The following ANO4 variants were observed in gnomAD, a reference collection of about 807,000 sequenced individuals.
ANO4 encodes the protein anoctamin 4, also known as anoctamin-4.
ANO4 carries 69 observed loss-of-function variants against 141.9 expected under a neutral mutation model. That is an observed-to-expected ratio of 0.49 (90% CI 0.40 to 0.59). The LOEUF (loss-of-function observed/expected upper bound fraction) is 0.59. Ranked by LOEUF, ANO4 falls within the 20% of genes least tolerant of loss-of-function variation. ANO4 has a pLI of 0.00. For synonymous variants in ANO4, 350 were observed against 394.3 expected, an observed-to-expected ratio of 0.89 and a Z score of 1.33; for missense variants, 894 against 1,162.2, an observed-to-expected ratio of 0.77 and a Z score of 3.36.
chr12:101,083,611 T>A, intron 15 of ANO4, 67 bp from the exon 16 acceptor site: 1 of 1,531,990 alleles, frequency 6.5e-7, no homozygotes, highest in Non-Finnish European at 8.7e-7. Flanking sequence ...TGGGGTAAAA[T>A]GATATTTCTT....
At chr12:101,050,663 A>C (rs2047825545) in intron 14 of ANO4, among the ~76,000 whole-genome samples, 1 of 152,192 alleles carries the variant, frequency 6.6e-6, no homozygotes, top group Non-Finnish European at 1.5e-5. Flanking sequence ...TGTAAACGTA[A>C]ATACTAAATG....
In ANO4 at chr12:101,107,393, C is replaced by T. The variant is rs76797966; in HGVS notation, c.2150-3011C>T. Among the ~76,000 whole-genome samples, 1,228 of 152,142 alleles carry T rather than the reference C, an allele frequency of 8.1e-3. 57 individuals carry two copies. The highest frequency in any genetic ancestry group is 0.068 in the Admixed American group (1,043 of 15,274). ...GCAAAAGGGGAAAAAGGCAAAACGC[C>T]GTAAAATCAAGACAAAGTAAGTTTT... is the stretch of plus-strand genomic sequence containing the variant. On this transcript the variant is annotated intron_variant, in intron 22 of 27. Transcript: ENST00000392977.
At chr12:100,941,925 C>A (rs1339807982) in intron 4 of ANO4, among the ~76,000 whole-genome samples, 5 of 150,112 alleles carry the variant, frequency 3.3e-5, no homozygotes, top group African/African-American at 7.3e-5. Flanking sequence ...ACATTTTTCA[C>A]TAATGAATAT....
chr12:101,117,713 A>G (rs1264885202), intron 25 of ANO4, among the ~76,000 whole-genome samples: 1 of 152,148 alleles, frequency 6.6e-6, no homozygotes, highest in Non-Finnish European at 1.5e-5. Context: ...CAAAAACAAA[A>G]CAAAGAATTT....
At chr12:100,747,099 T>G (rs927410657) in intron 3 of ANO4, among the ~76,000 whole-genome samples, 1 of 152,202 alleles carries the variant, frequency 6.6e-6, no homozygotes, top group Admixed American at 6.5e-5. Context: ...AAAAAAGTTT[T>G]CAGACATTGC....
chr12:100,900,942 C>T (rs1366088775), intron 1 of ANO4, among the ~76,000 whole-genome samples: 1 of 152,182 alleles, frequency 6.6e-6, no homozygotes, highest in African/African-American at 2.4e-5. Context: ...ACATTGAACT[C>T]AGCCTTTCTT....
At chr12:100,904,255 C>T (rs1421903195) in intron 2 of ANO4, among the ~76,000 whole-genome samples, 1 of 152,024 alleles carries the variant, frequency 6.6e-6, no homozygotes, top group African/African-American at 2.4e-5. Flanking sequence ...GACAAAAGTC[C>T]CTGCCCTTGG....
chr12:100,734,251 C>T (rs1391923099), intron 2 of ANO4, among the ~76,000 whole-genome samples: 1 of 152,220 alleles, frequency 6.6e-6, no homozygotes, highest in East Asian at 1.9e-4. Flanking sequence ...TAAAAGTCTA[C>T]TCTTTGCTGT....
At chr12:100,812,967 A>G (rs1266484696) in intron 1 of ANO4, among the ~76,000 whole-genome samples, 1 of 152,208 alleles carries the variant, frequency 6.6e-6, no homozygotes, top group Non-Finnish European at 1.5e-5. Flanking sequence ...CTTGTCTTTA[A>G]GCAATCTTTC....
intron 1 of ANO4, among the ~76,000 whole-genome samples, chr12:100,724,036 C>A (rs80070197): frequency 1.3e-5 from 2 of 149,792 alleles, no homozygotes; most frequent in African/African-American, 2.5e-5. Flanking sequence ...AACAAAAAAA[C>A]AAAAAAACCT....
intron 3 of ANO4, among the ~76,000 whole-genome samples, chr12:100,740,326 C>T (rs1385925241): frequency 1.3e-5 from 2 of 152,092 alleles, no homozygotes; most frequent in Non-Finnish European, 2.9e-5. Flanking sequence ...ATCCCTCCCA[C>T]CTCAGCCTCC....
intron 8 of ANO4, among the ~76,000 whole-genome samples, chr12:100,990,574 G>T (rs2045048126): frequency 6.6e-6 from 1 of 152,162 alleles, no homozygotes; most frequent in Non-Finnish European, 1.5e-5. Context: ...CTAATTTAGT[G>T]TTCACTTCTT....
intron 23 of ANO4, among the ~76,000 whole-genome samples, chr12:101,110,960 T>C (rs1389979335): frequency 1.3e-5 from 2 of 152,254 alleles, no homozygotes; most frequent in Non-Finnish European, 2.9e-5. Flanking sequence ...AGATGAACTT[T>C]GGTCTTTGAC....
chr12:100,940,339 A>G (rs2042461265), intron 4 of ANO4, among the ~76,000 whole-genome samples: 1 of 152,184 alleles, frequency 6.6e-6, no homozygotes, highest in South Asian at 2.1e-4. Context: ...TCATCCCTGT[A>G]ACTTACAGAT....
intron 1 of ANO4, among the ~76,000 whole-genome samples, chr12:100,729,196 T>G (rs2031267965): frequency 6.6e-6 from 1 of 151,922 alleles, no homozygotes; most frequent in African/African-American, 2.4e-5. Flanking sequence ...TCATAATATT[T>G]TGTGTAGCTT....
intron 2 of ANO4, among the ~76,000 whole-genome samples, chr12:100,738,200 C>T (rs946789773): frequency 3.3e-5 from 5 of 152,120 alleles, no homozygotes; most frequent in Non-Finnish European, 7.4e-5. Context: ...TGCCTCCCTC[C>T]CCAAGAGGGG....
chr12:101,110,306 A>G lies in ANO4; in HGVS notation c.2150-98A>G, dbSNP rs576184710. On this transcript the variant is annotated intron_variant, in intron 22 of 27. Transcript: ENST00000392977. ...CCCCTGTGCGTCTGTATTGGGAAAA[A>G]TGGGACTTAAGACAATAACATATTC... 51 of 1,281,358 alleles carry G rather than the reference A, an allele frequency of 4.0e-5. 1 individual carries two copies. In the South Asian group the frequency reaches 5.9e-4, roughly 15 times the overall value. The allele number at this position is 1,281,358 out of a possible 1,614,324, so 79.4% of individuals were successfully genotyped here. A position where few individuals can be genotyped will look rare whatever the true frequency, so the allele number is the denominator to read the frequency against.
chr12:100,950,221 C>G (rs892734408), intron 5 of ANO4, among the ~76,000 whole-genome samples: 1 of 151,468 alleles, frequency 6.6e-6, no homozygotes, highest in Non-Finnish European at 1.5e-5. Context: ...GCTTTCTGGT[C>G]AGAAAAGAAA....
intron 24 of ANO4, among the ~76,000 whole-genome samples, chr12:101,112,208 T>C (rs576187450): frequency 6.6e-6 from 1 of 152,258 alleles, no homozygotes; most frequent in African/African-American, 2.4e-5. Flanking sequence ...TCAATAAGTA[T>C]TCGTGGAATA....
Sources: gnomAD v4.1 joint callset for allele counts (sites outside exome capture counted in the v4.1 genomes callset) on GRCh38, gnomAD v4.1.1 for gene constraint, MANE v1.5 for transcripts, NCBI Gene and HGNC (gene_info 2026-07-23, HGNC 2026-07-21) for gene names.